Variants in HK1 observed in about 807,000 individuals in gnomAD.
HK1 encodes the protein hexokinase-1.
HK1 carries 28 observed loss-of-function variants against 91.6 expected under a neutral mutation model. The observed-to-expected ratio is 0.31, with a 90% CI of 0.23 to 0.42. The LOEUF (loss-of-function observed/expected upper bound fraction) is 0.42. Ranked by LOEUF, HK1 falls within the 10% of genes least tolerant of loss-of-function variation. HK1 has a pLI of 1.00. For synonymous variants in HK1, 430 were observed against 468.1 expected, an observed-to-expected ratio of 0.92 and a Z score of 1.05; for missense variants, 770 against 1,219.8, an observed-to-expected ratio of 0.63 and a Z score of 5.49.
chr10:69,282,926 G>A (rs1844819185), intron 2 of HK1, among the ~76,000 whole-genome samples: 1 of 150,726 alleles, frequency 6.6e-6, no homozygotes, highest in African/African-American at 2.4e-5. Context: ...AGACCAGCCT[G>A]GCCAACATGG....
At chr10:69,363,631 G>A (rs1849547527) in intron 3 of HK1, among the ~76,000 whole-genome samples, 1 of 152,124 alleles carries the variant, frequency 6.6e-6, no homozygotes, top group Non-Finnish European at 1.5e-5. Flanking sequence ...CTCCTGCCTT[G>A]GCCTCCCAAA....
intron 1 of HK1, among the ~76,000 whole-genome samples, chr10:69,332,807 C>A (rs1041405916): frequency 1.3e-5 from 2 of 152,096 alleles, no homozygotes; most frequent in African/African-American, 4.8e-5. Context: ...CAGGTGTTAT[C>A]ATTGTCACTC....
At chr10:69,348,238 T>C (rs1848668557) in intron 2 of HK1, among the ~76,000 whole-genome samples, 1 of 152,218 alleles carries the variant, frequency 6.6e-6, no homozygotes, top group Non-Finnish European at 1.5e-5. Flanking sequence ...GGATGTGCCA[T>C]TATCTTTTTT....
chr10:69,281,950 C>T (rs951882982), intron 1 of HK1, among the ~76,000 whole-genome samples: 4 of 152,144 alleles, frequency 2.6e-5, no homozygotes, highest in Admixed American at 6.6e-5. Context: ...CATCTCTCCA[C>T]GCATTTTAAA....
At chr10:69,342,008 C>T (rs1399619353) in intron 1 of HK1, among the ~76,000 whole-genome samples, 2 of 151,814 alleles carry the variant, frequency 1.3e-5, no homozygotes, top group Non-Finnish European at 2.9e-5. Flanking sequence ...ATTAGCAGGG[C>T]GTGGTGGCGC....
rs375513461 is a variant in HK1 at position 69,389,211 on chromosome 10, C to T, written c.1950C>T (p.Asp650=). 25 of 1,613,686 alleles carry T rather than the reference C, an allele frequency of 1.5e-5. No individual in the cohort carries two copies. The highest frequency in any genetic ancestry group is 1.0e-4 in the Admixed American group (6 of 59,986). ...AIKRREEFDL[D]VVAVVNDTVG... ...TCTTTGCAAAGGAATTTGACCTGGA[C>T]GTGGTGGCTGTGGTCAACGACACAG... Residue 650 remains aspartate (D), a synonymous_variant, in exon 14 of 18, where the codon GAC becomes GAT. Coordinates refer to ENST00000359426, the MANE Select transcript of HK1 (RefSeq NM_000188.3).
intron 1 of HK1, among the ~76,000 whole-genome samples, chr10:69,325,242 G>A (rs1430232296): frequency 3.3e-5 from 5 of 151,254 alleles, no homozygotes; most frequent in East Asian, 2.0e-4. Flanking sequence ...TAGGAGAGAC[G>A]GGGTTTCACT....
At chr10:69,295,023 GAGAGAGAGAGAGAA>G (rs1214438849) in intron 3 of HK1, among the ~76,000 whole-genome samples, 9 of 146,160 alleles carry the variant, frequency 6.2e-5, no homozygotes, top group African/African-American at 2.3e-4. Flanking sequence ...GAGAGAGAGA[GAGAGAGAGAGAGAA>G]AGAGAGACCC....
chr10:69,399,390 T>A (rs1443564405), intron 17 of HK1, among the ~76,000 whole-genome samples: 3 of 152,120 alleles, frequency 2.0e-5, no homozygotes, highest in Non-Finnish European at 4.4e-5. Context: ...TGAATGCCTG[T>A]AGTCCCAGCT....
intron 15 of HK1, among the ~76,000 whole-genome samples, chr10:69,393,405 T>C (rs1839996969): frequency 6.6e-6 from 1 of 152,058 alleles, no homozygotes; most frequent in African/African-American, 2.4e-5. Context: ...CAAGTGATTC[T>C]CCTGCCTCAG....
At chr10:69,372,244 ATT>A (rs1021681898) in intron 7 of HK1, among the ~76,000 whole-genome samples, 2 of 152,160 alleles carry the variant, frequency 1.3e-5, no homozygotes, top group Non-Finnish European at 2.9e-5. Context: ...TCAAGAAGAG[ATT>A]TGGGTGGGGA....
chr10:69,284,731 A>C (rs1167197515), intron 2 of HK1, among the ~76,000 whole-genome samples: 2 of 152,090 alleles, frequency 1.3e-5, no homozygotes, highest in Admixed American at 1.3e-4. Flanking sequence ...CTCCGCCTCC[A>C]GGGTTCAAGT....
chr10:69,284,705 C>A (rs1333909433), intron 2 of HK1, among the ~76,000 whole-genome samples: 1 of 152,224 alleles, frequency 6.6e-6, no homozygotes, highest in Non-Finnish European at 1.5e-5. Context: ...GTGGCACAAC[C>A]TCGGCTTACT....
intron 3 of HK1, among the ~76,000 whole-genome samples, chr10:69,293,833 C>T (rs966082243): frequency 2.0e-5 from 3 of 151,320 alleles, no homozygotes; most frequent in Admixed American, 6.6e-5. Context: ...AGTCAAGCCC[C>T]GAAGCACAAG....
Position 69,368,745 on chromosome 10 carries a change from C to T in HK1, c.591+114C>T, listed in dbSNP as rs568351413. The T allele has an allele frequency of 2.1e-5, 17 of 803,322 alleles. No individual in the cohort carries two copies. The African/African-American group carries it at 2.7e-4, about 13-fold the overall frequency. The allele number at this position is 803,322 out of a possible 1,614,324, so 49.8% of individuals were successfully genotyped here. A position where few individuals can be genotyped will look rare whatever the true frequency, so the allele number is the denominator to read the frequency against. On this transcript the variant is annotated intron_variant, in intron 5 of 17. Transcript: ENST00000359426. ...GGCAGTAGTGCCAAAGCCTGAAGAC[C>T]CAGGCAGGGGAGAGTTGAGGGCTCA...
intron 1 of HK1, among the ~76,000 whole-genome samples, chr10:69,321,801 A>T (rs951019025): frequency 3.9e-5 from 6 of 152,180 alleles, no homozygotes; most frequent in Non-Finnish European, 8.8e-5. Context: ...TTGGAACCCC[A>T]TTATCCAGAC....
intron 13 of HK1, among the ~76,000 whole-genome samples, chr10:69,388,303 C>T (rs1271814664): frequency 6.6e-6 from 1 of 152,000 alleles, no homozygotes; most frequent in East Asian, 1.9e-4. Flanking sequence ...AAAAATTAGC[C>T]GTCATAGTGG....
At chr10:69,349,897 A>G (rs1045051293) in intron 2 of HK1, among the ~76,000 whole-genome samples, 4 of 152,192 alleles carry the variant, frequency 2.6e-5, no homozygotes, top group African/African-American at 9.6e-5. Flanking sequence ...AGAGAATTCT[A>G]GTTTCCTATA....
At chr10:69,320,752 A>ACTGCTGG (rs1200320316) in intron 1 of HK1, among the ~76,000 whole-genome samples, 1 of 152,046 alleles carries the variant, frequency 6.6e-6, no homozygotes. Context: ...CCCACAACAG[A>ACTGCTGG]CTGCTGGCTG....
Sources: gnomAD v4.1 joint callset for allele counts (sites outside exome capture counted in the v4.1 genomes callset) on GRCh38, gnomAD v4.1.1 for gene constraint, MANE v1.5 for transcripts, NCBI Gene and HGNC (gene_info 2026-07-23, HGNC 2026-07-21) for gene names.